The following PCDHGA9 variants were observed in gnomAD, a reference collection of about 807,000 sequenced individuals.
The protein encoded by PCDHGA9 is protocadherin gamma subfamily A, 9.
In PCDHGA9, 37 loss-of-function variants were observed where a neutral mutation model predicts 62.5. The ratio of observed to expected loss-of-function variants is 0.59; its 90% CI spans 0.46 to 0.78. The LOEUF (loss-of-function observed/expected upper bound fraction) is 0.78, where lower values mean the gene tolerates loss of function less well. PCDHGA9 is among the 30% of genes least tolerant of loss of function. The pLI, the probability that PCDHGA9 is intolerant of heterozygous loss-of-function variation, is 0.00. For missense variants in PCDHGA9, 1,138 were observed against 1,166.2 expected, an observed-to-expected ratio of 0.98 and a Z score of 0.35; for synonymous variants, 459 against 484.6, an observed-to-expected ratio of 0.95 and a Z score of 0.69.
In PCDHGA9 at chr5:141,413,327, A is replaced by T. The variant is rs200027912; in HGVS notation, c.2424+7951A>T. ...TTAGAGAAAGGCTCTTTCGTGGGCA[A>T]CATCTCCAAGGACTTGGGTCTGGCG... On this transcript the variant is annotated intron_variant, in intron 1 of 3. Transcript: ENST00000573521. The T allele has an allele frequency of 2.6e-4, 421 of 1,613,984 alleles. 1 individual carries two copies. The highest frequency in any genetic ancestry group is 1.1e-3 in the South Asian group (96 of 91,090).
intron 1 of PCDHGA9, chr5:141,423,387 G>A (rs373190092): frequency 6.2e-7 from 1 of 1,614,162 alleles, no homozygotes; most frequent in Non-Finnish European, 8.5e-7. Context: ...TGTGGCGCTG[G>A]CATAAGTCAC....
intron 1 of PCDHGA9, chr5:141,475,949 G>A: frequency 1.3e-6 from 1 of 758,910 alleles, no homozygotes; most frequent in South Asian, 1.9e-5. Flanking sequence ...TCCCCTTTCT[G>A]CGCCCCGGGA....
chr5:141,443,317 CA>C (rs35054295), intron 1 of PCDHGA9, among the ~76,000 whole-genome samples: 28 of 142,048 alleles, frequency 2.0e-4, no homozygotes, highest in Non-Finnish European at 2.6e-4. Flanking sequence ...CCCATCTCTA[CA>C]AAAAAAAAAA....
rs776737236 is a variant in PCDHGA9, at chr5:141,431,439, G to T, written c.2424+26063G>T. 20 of 1,613,724 alleles carry T rather than the reference G, an allele frequency of 1.2e-5. No individual in the cohort carries two copies. The highest frequency in any genetic ancestry group is 4.5e-5 in the East Asian group (2 of 44,888). Reference sequence around the variant, plus strand: ...GACCCGGTGCGCACAGGCACCGCGCGCATCCGCGTGATGGTTCTGGATGCG... The same window carrying T: ...GACCCGGTGCGCACAGGCACCGCGCTCATCCGCGTGATGGTTCTGGATGCG... On this transcript the variant is annotated intron_variant, in intron 1 of 3. Coordinates refer to ENST00000573521, the MANE Select transcript of PCDHGA9 (RefSeq NM_018921.3). This position sits in a 1 kb window ranked among gnomAD's most constrained non-coding sequence, Gnocchi z 4.8.
chr5:141,477,978 T>A lies in PCDHGA9; in HGVS notation c.2425-16829T>A. ...TCCCCTAACCAGAGCCTTTTTGCCA[T>A]AGGGCTGCACACTGGTCAAATCAGT... is the stretch of plus-strand genomic sequence containing the variant. On this transcript the variant is annotated intron_variant, in intron 1 of 3. Transcript: ENST00000573521. The surrounding 1 kb of genome is among the most constrained non-coding windows in gnomAD (Gnocchi z 4.9). The A allele has an allele frequency of 6.2e-7, 1 of 1,614,120 alleles. No individual in the cohort carries two copies. Among genetic ancestry groups the A allele is most frequent in the Non-Finnish European group, 8.5e-7 (1 of 1,180,022 alleles).
intron 1 of PCDHGA9, chr5:141,433,178 A>G: frequency 6.2e-7 from 1 of 1,608,316 alleles, no homozygotes. Context: ...TCATGGGTTA[A>G]TTGAGGTGAG....
intron 1 of PCDHGA9, among the ~76,000 whole-genome samples, chr5:141,449,579 ACT>A (rs370512396): frequency 0.052 from 7,360 of 141,924 alleles, 400 homozygotes; most frequent in African/African-American, 0.14. Flanking sequence ...ACAGAGCAAG[ACT>A]CTGTCTCAAA....
chr5:141,467,371 A>G, intron 1 of PCDHGA9, among the ~76,000 whole-genome samples: 1 of 151,906 alleles, frequency 6.6e-6, no homozygotes, highest in Non-Finnish European at 1.5e-5. Context: ...GTTTTCTTAT[A>G]TTGCATTTAG....
At chr5:141,459,237 C>T (rs1004453705) in intron 1 of PCDHGA9, among the ~76,000 whole-genome samples, 1 of 152,214 alleles carries the variant, frequency 6.6e-6, no homozygotes, top group Admixed American at 6.5e-5. Flanking sequence ...AACTGGTCTG[C>T]TTCCTGTCAC....
intron 1 of PCDHGA9, among the ~76,000 whole-genome samples, chr5:141,468,963 C>G (rs951670777): frequency 1.3e-5 from 2 of 150,940 alleles, no homozygotes; most frequent in Admixed American, 6.6e-5. Context: ...TTTTTTTTAC[C>G]TTAGGCTTTT....
chr5:141,405,546 A>G (rs2094684316), intron 1 of PCDHGA9, 170 bp downstream of exon 1: 1 of 630,658 alleles, frequency 1.6e-6, no homozygotes, highest in Admixed American at 2.9e-5. Context: ...CAGCCTCCCA[A>G]GTAGAGTAGC....
intron 1 of PCDHGA9, chr5:141,422,371 C>A: frequency 6.4e-7 from 1 of 1,567,208 alleles, no homozygotes; most frequent in South Asian, 1.2e-5. Context: ...AGAAAATGGT[C>A]AAGTCTCCTG....
chr5:141,464,843 A>G lies in PCDHGA9; in HGVS notation c.2425-29964A>G, dbSNP rs183890796. On this transcript the variant is annotated intron_variant, in intron 1 of 3. Coordinates refer to ENST00000573521, the MANE Select transcript of PCDHGA9 (RefSeq NM_018921.3). Reference sequence around the variant, plus strand: ...AGCCTCGCACTCCTGGGCTCAAGCAATCCTCCTACCTTAGCCTCCCAAGTA... The same window carrying G: ...AGCCTCGCACTCCTGGGCTCAAGCAGTCCTCCTACCTTAGCCTCCCAAGTA... 1.5e-3 allele frequency among the ~76,000 whole-genome samples: 231 copies of G among 152,234 alleles called. 1 individual carries two copies. Among genetic ancestry groups the G allele is most frequent in the Non-Finnish European group, 2.3e-3 (159 of 68,018 alleles).
intron 3 of PCDHGA9, 43 bp from the exon 4 acceptor site, chr5:141,510,903 GA>G: frequency 6.2e-7 from 1 of 1,613,454 alleles, no homozygotes; most frequent in Non-Finnish European, 8.5e-7. Flanking sequence ...GACTGTTGAG[GA>G]CCCTAAGTTT....
chr5:141,414,116 A>C (rs760214999), intron 1 of PCDHGA9: 2 of 1,592,434 alleles, frequency 1.3e-6, no homozygotes, highest in Non-Finnish European at 1.7e-6. Context: ...CTAGATTATG[A>C]AGAAACCGGT....
chr5:141,466,984 C>A (rs2099133455), intron 1 of PCDHGA9, among the ~76,000 whole-genome samples: 1 of 151,586 alleles, frequency 6.6e-6, no homozygotes, highest in Non-Finnish European at 1.5e-5. Context: ...CATCATTTAC[C>A]TTTTGGCATT....
At chr5:141,478,712 G>T in intron 1 of PCDHGA9, 1 of 1,547,046 alleles carries the variant, frequency 6.5e-7, no homozygotes, top group Non-Finnish European at 8.7e-7. Flanking sequence ...TTTGTGAGAT[G>T]GTGGCCTGCC....
rs576937130 is a variant in PCDHGA9 at position 141,427,508 on chromosome 5, G to A, written c.2424+22132G>A. ...ATAAGCTTGTAACAGATGGGACCCT[G>A]GATTGGGAGCGGATCCCGGAGTACA... On this transcript the variant is annotated intron_variant, in intron 1 of 3. Transcript: ENST00000573521. 9.9e-4 allele frequency: 584 copies of A among 587,058 alleles called. 6 individuals carry two copies. The highest frequency in any genetic ancestry group is 3.0e-4 in the Non-Finnish European group (94 of 311,294). The allele number at this position is 587,058 out of a possible 1,614,324, so 36.4% of individuals were successfully genotyped here.
At chr5:141,415,793 T>C in intron 1 of PCDHGA9, 1 of 1,373,160 alleles carries the variant, frequency 7.3e-7, no homozygotes, top group Non-Finnish European at 9.4e-7. Context: ...AAAATTCACC[T>C]AGTCTCAATC....
Sources: gnomAD v4.1 joint callset for allele counts (sites outside exome capture counted in the v4.1 genomes callset) on GRCh38, gnomAD v4.1.1 for gene constraint, Gnocchi (gnomAD v3.1) non-coding constraint, MANE v1.5 for transcripts, NCBI Gene and HGNC (gene_info 2026-07-23, HGNC 2026-07-21) for gene names.